The following TMEM108 variants were observed in gnomAD, a reference collection of about 807,000 sequenced individuals.
TMEM108 encodes the protein cancer/testis antigen 124.
In TMEM108, 12 loss-of-function variants were observed where a neutral mutation model predicts 35.1. The ratio of observed to expected loss-of-function variants is 0.34; its 90% CI spans 0.22 to 0.55. The LOEUF (loss-of-function observed/expected upper bound fraction) is 0.55, where lower values mean the gene tolerates loss of function less well. TMEM108 is among the 20% of genes least tolerant of loss of function. The pLI is 0.89. For missense variants in TMEM108, 680 were observed against 753.3 expected, an observed-to-expected ratio of 0.90 and a Z score of 1.14; for synonymous variants, 287 against 308.6, an observed-to-expected ratio of 0.93 and a Z score of 0.73.
intron 2 of TMEM108, among the ~76,000 whole-genome samples, chr3:133,181,210 C>T (rs1465546935): frequency 2.0e-5 from 3 of 151,994 alleles, no homozygotes; most frequent in African/African-American, 7.2e-5. Flanking sequence ...AATTCCGTAT[C>T]AGTAAAAGTA....
At chr3:133,271,488 A>G (rs761552011) in intron 3 of TMEM108, among the ~76,000 whole-genome samples, 1 of 152,194 alleles carries the variant, frequency 6.6e-6, no homozygotes, top group Non-Finnish European at 1.5e-5. Context: ...GATTTCTTGG[A>G]AATAATTTCT....
rs530801359 is a variant in TMEM108 at position 133,367,083 on chromosome 3, C to G, written c.41-12669C>G. Among the ~76,000 whole-genome samples, 12 of 152,320 alleles carry G rather than the reference C, an allele frequency of 7.9e-5. No individual in the cohort carries two copies. In the South Asian group the frequency reaches 1.4e-3, roughly 18 times the overall value. On this transcript the variant is annotated intron_variant, in intron 3 of 5. Transcript: ENST00000321871. ...TTAACCCAAAACAAAGGGCTTCAGT[C>G]CCCTGTACAGCCTGCATTCCATGAA... is the stretch of plus-strand genomic sequence containing the variant.
chr3:133,184,794 G>A (rs1945396702), intron 2 of TMEM108, among the ~76,000 whole-genome samples: 2 of 152,132 alleles, frequency 1.3e-5, no homozygotes, highest in South Asian at 4.1e-4. Flanking sequence ...AGTGTTCTGG[G>A]GAGAATCAGT....
intron 3 of TMEM108, among the ~76,000 whole-genome samples, chr3:133,358,792 C>G (rs987609336): frequency 6.6e-6 from 1 of 152,146 alleles, no homozygotes; most frequent in African/African-American, 2.4e-5. Context: ...CTGTTCACTT[C>G]TCTCCTCCCT....
intron 2 of TMEM108, among the ~76,000 whole-genome samples, chr3:133,210,387 T>G (rs191609848): frequency 1.2e-4 from 18 of 152,322 alleles, no homozygotes; most frequent in African/African-American, 3.8e-4. Context: ...CATTAAGAAC[T>G]GCTAGATTAG....
chr3:133,227,375 A>G (rs1946089463), intron 2 of TMEM108, among the ~76,000 whole-genome samples: 1 of 148,744 alleles, frequency 6.7e-6, no homozygotes, highest in Non-Finnish European at 1.5e-5. Context: ...TTGTATTTTT[A>G]GTAGAGACGG....
chr3:133,388,120 C>T, intron 4 of TMEM108: 1 of 985,462 alleles, frequency 1.0e-6, no homozygotes, highest in Non-Finnish European at 1.2e-6. Context: ...CTAACTCTAC[C>T]AAAACTGAGC....
intron 2 of TMEM108, among the ~76,000 whole-genome samples, chr3:133,049,896 T>C (rs1943383123): frequency 6.6e-6 from 1 of 152,188 alleles, no homozygotes; most frequent in African/African-American, 2.4e-5. Flanking sequence ...GTATTAATAC[T>C]CAGACTTCAC....
At chr3:133,275,238 G>A (rs1361381374) in intron 3 of TMEM108, among the ~76,000 whole-genome samples, 2 of 152,036 alleles carry the variant, frequency 1.3e-5, no homozygotes, top group Admixed American at 6.6e-5. Context: ...CTCTTTAAAA[G>A]CAGTACTGTC....
At chr3:133,103,046 G>A (rs1944107582) in intron 2 of TMEM108, among the ~76,000 whole-genome samples, 1 of 152,122 alleles carries the variant, frequency 6.6e-6, no homozygotes, top group Non-Finnish European at 1.5e-5. Context: ...CATACCTAAA[G>A]ACAGAAATAC....
At chr3:133,093,180 G>A (rs1392791357) in intron 2 of TMEM108, among the ~76,000 whole-genome samples, 1 of 152,028 alleles carries the variant, frequency 6.6e-6, no homozygotes. Context: ...TAGTAGAGAC[G>A]AGGTTTCACC....
chr3:133,090,898 G>A (rs1228838736), intron 2 of TMEM108, among the ~76,000 whole-genome samples: 1 of 152,072 alleles, frequency 6.6e-6, no homozygotes, highest in Non-Finnish European at 1.5e-5. Context: ...TTAACATACT[G>A]CTTTTGTTAA....
intron 2 of TMEM108, among the ~76,000 whole-genome samples, chr3:133,228,628 A>T (rs1242849428): frequency 1.3e-5 from 2 of 152,212 alleles, no homozygotes; most frequent in African/African-American, 4.8e-5. Flanking sequence ...AAAATTAAAT[A>T]TAAAATGAAA....
chr3:133,183,824 G>A (rs1027745466), intron 2 of TMEM108, among the ~76,000 whole-genome samples: 1 of 152,176 alleles, frequency 6.6e-6, no homozygotes, highest in African/African-American at 2.4e-5. Context: ...TGTTAGGGCC[G>A]AATGGTGCTG....
At chr3:133,069,204 T>C (rs1170246802) in intron 2 of TMEM108, among the ~76,000 whole-genome samples, 1 of 152,210 alleles carries the variant, frequency 6.6e-6, no homozygotes, top group African/African-American at 2.4e-5. Context: ...TACTTAAGAA[T>C]GCAATTTCTT....
At chr3:133,240,669 A>C (rs1222505602) in intron 3 of TMEM108, among the ~76,000 whole-genome samples, 1 of 152,192 alleles carries the variant, frequency 6.6e-6, no homozygotes, top group Non-Finnish European at 1.5e-5. Context: ...TCAAGCTCTC[A>C]TGTTGTCTCT....
At chr3:133,389,090 C>T (rs910897174) in intron 4 of TMEM108, 43 of 985,482 alleles carry the variant, frequency 4.4e-5, no homozygotes, top group African/African-American at 5.2e-5. Flanking sequence ...TTCATGGCTT[C>T]TCCCCAAGAG....
intron 3 of TMEM108, among the ~76,000 whole-genome samples, chr3:133,235,411 A>G (rs994710402): frequency 3.3e-5 from 5 of 152,212 alleles, no homozygotes; most frequent in Admixed American, 2.6e-4. Flanking sequence ...AGAGATATAG[A>G]TCAGTGGAAC....
chr3:133,345,788 G>A (rs553383303), intron 3 of TMEM108, among the ~76,000 whole-genome samples: 41 of 152,050 alleles, frequency 2.7e-4, no homozygotes, highest in Non-Finnish European at 5.0e-4. Flanking sequence ...AGTGACAGGT[G>A]ATGGAGATGT....
Sources: allele counts gnomAD v4.1 joint callset (sites outside exome capture counted in the v4.1 genomes callset), GRCh38; gene constraint gnomAD v4.1.1; transcripts MANE v1.5; gene names NCBI Gene and HGNC (gene_info 2026-07-23, HGNC 2026-07-21).